LCN1: variants seen among roughly 807,000 people sequenced by gnomAD.
LCN1 encodes lipocalin-1.
In LCN1, 25 loss-of-function variants were observed where a neutral mutation model predicts 22.3. That is an observed-to-expected ratio of 1.12 (90% CI 0.82 to 1.56). The LOEUF is 1.56. Ranked by LOEUF, LCN1 falls within the 40% of genes most tolerant of loss-of-function variation. LCN1 has a pLI of 0.00. For synonymous variants in LCN1, 85 were observed against 97.6 expected (o/e 0.87, Z 0.76); for missense variants, 219 against 235.6 (o/e 0.93, Z 0.46).
chr9:135,525,940 C>T (rs1440916486), intron 6 of LCN1, among the ~76,000 whole-genome samples: 4 of 145,940 alleles, frequency 2.7e-5, no homozygotes, highest in East Asian at 2.1e-4. Context: ...CACGTGCCCC[C>T]GCAACCATCG....
intron 5 of LCN1, 23 bp downstream of exon 5, chr9:135,524,954 G>T (rs1209080152): frequency 6.3e-7 from 1 of 1,596,314 alleles, no homozygotes; most frequent in Non-Finnish European, 8.6e-7. Context: ...GCCCTGCAGA[G>T]CCCCCCATGT....
rs1234219150 is a variant in LCN1 at position 135,524,938 on chromosome 9, G to A, written c.505+7G>A. On this transcript the variant is annotated splice_region_variant and intron_variant, in intron 5 of 6. Transcript: ENST00000371781. ...CTCATCCCCAGGCAGAGCGGTAGGA[G>A]GCATGGCCCTGCAGAGCCCCCCATG... The A allele has an allele frequency of 4.4e-6, 7 of 1,604,006 alleles. No individual in the cohort carries two copies. The highest frequency in any genetic ancestry group is 4.3e-6 in the Non-Finnish European group (5 of 1,175,408).
At chr9:135,522,510 CA>C (rs1405084008) in intron 2 of LCN1, among the ~76,000 whole-genome samples, 1 of 152,242 alleles carries the variant, frequency 6.6e-6, no homozygotes, top group Non-Finnish European at 1.5e-5. Flanking sequence ...CCAGTCCTGG[CA>C]GTAAATTTCT....
chr9:135,523,998 C>T lies in LCN1; in HGVS notation c.403+8C>T. 1.9e-6 allele frequency: 3 copies of T among 1,602,774 alleles called. No homozygotes were observed. Among genetic ancestry groups the T allele is most frequent in the African/African-American group, 1.3e-5 (1 of 74,800 alleles). ...GAGGGGTGAAGCTCGTGGGTGGGTC[C>T]CGCACCCTCACCCTGCAACCCATGC... On this transcript the variant is annotated splice_region_variant and intron_variant, in intron 4 of 6. Transcript: ENST00000371781.
chr9:135,524,690 G>A (rs1386697331), intron 4 of LCN1, 140 bp from the exon 5 acceptor site: 3 of 658,040 alleles, frequency 4.6e-6, no homozygotes, highest in East Asian at 5.6e-5. Flanking sequence ...CACTTTGCCA[G>A]CCTGAGGGCC....
chr9:135,523,786 C>T (rs551600135), intron 3 of LCN1, 94 bp from the exon 4 acceptor site: 36 of 1,024,258 alleles, frequency 3.5e-5, no homozygotes, highest in Middle Eastern at 2.4e-4. Flanking sequence ...GCAGGAGCTG[C>T]GGGGCTTGCT....
At position 135,526,444 on chromosome 9, in the gene LCN1, G is replaced by A. The variant is rs913846203; in HGVS notation, c.*102G>A. 5.4e-6 allele frequency: 7 copies of A among 1,285,214 alleles called. No homozygotes were observed. The highest frequency in any genetic ancestry group is 1.2e-5 in the South Asian group (1 of 80,718). The allele number at this position is 1,285,214 out of a possible 1,614,324, so 79.6% of individuals were successfully genotyped here. On this transcript the variant is annotated 3_prime_UTR_variant, in exon 7 of 7. Transcript: ENST00000371781. Reference sequence around the variant, plus strand: ...AAAAAGCTCCCCACCCCTGCAGAACGCGGCTGGCTGCACCCCTTCCTACCA... The same window carrying A: ...AAAAAGCTCCCCACCCCTGCAGAACACGGCTGGCTGCACCCCTTCCTACCA...
Position 135,523,810 on chromosome 9 carries a change from C to G in LCN1, c.293-70C>G, listed in dbSNP as rs1309634829. 7 of 1,327,716 alleles carry G rather than the reference C, an allele frequency of 5.3e-6. No individual in the cohort carries two copies. In the East Asian group the frequency reaches 1.6e-4, roughly 31 times the overall value. 82.2% of individuals were successfully genotyped at this position (1,327,716 alleles called of 1,614,324 possible). A position where few individuals can be genotyped will look rare whatever the true frequency, so the allele number is the denominator to read the frequency against. On this transcript the variant is annotated intron_variant, in intron 3 of 6. Transcript: ENST00000371781. ...GCGGGGCTTGCTGGGCCTGGCAACG[C>G]ACGCTGTCCCGGGATCCTCTCTGAA... is the stretch of plus-strand genomic sequence containing the variant.
intron 6 of LCN1, among the ~76,000 whole-genome samples, chr9:135,525,810 C>G (rs1831627558): frequency 6.7e-6 from 1 of 149,212 alleles, no homozygotes; most frequent in Admixed American, 6.6e-5. Flanking sequence ...CCACCTGCAG[C>G]CCCCAAGAGT....
intron 2 of LCN1, 21 bp downstream of exon 2, chr9:135,522,198 C>A: frequency 6.2e-6 from 10 of 1,603,336 alleles, no homozygotes; most frequent in Non-Finnish European, 8.5e-6. Context: ...GCCAGCCGGC[C>A]GGGCAGCCTG....
intron 2 of LCN1, 27 bp from the exon 3 acceptor site, chr9:135,523,205 C>G (rs1318138759): frequency 6.2e-7 from 1 of 1,607,802 alleles, no homozygotes; most frequent in Admixed American, 1.7e-5. Context: ...GCCAGGGCCG[C>G]TTTGCCAGGG....
rs1420173586 is a variant in LCN1, at chr9:135,523,439, CTT to C, written c.292+138_292+139del. On this transcript the variant is annotated intron_variant, in intron 3 of 6. Transcript: ENST00000371781. ...TCTGACTCCACTAAAAGCCCACTCT[CTT>C]CTCCCACTGGTCAATTTGCATTAGA... The C allele has an allele frequency of 3.4e-4, 238 of 704,792 alleles. 2 individuals carry two copies. In the East Asian group the frequency reaches 6.5e-3, roughly 19 times the overall value. 43.7% of individuals were successfully genotyped at this position (704,792 alleles called of 1,614,324 possible).
Position 135,521,598 on chromosome 9 carries a change from G to C in LCN1, c.90+11G>C. On this transcript the variant is annotated intron_variant, in intron 1 of 6. Transcript: ENST00000371781. The stretch of plus-strand genomic sequence containing the variant: ...GAGGAGATTCAGGATGTGAGGCCCG[G>C]ATGGGAAGGCTGGGCTGGAGGGGGC... 1.9e-6 allele frequency: 3 copies of C among 1,605,002 alleles called. No homozygotes were observed. Among genetic ancestry groups the C allele is most frequent in the South Asian group, 1.1e-5 (1 of 89,892 alleles).
In LCN1 at chr9:135,526,456, A is replaced by G. The variant is rs1831654967; in HGVS notation, c.*114A>G. On this transcript the variant is annotated 3_prime_UTR_variant, in exon 7 of 7. Transcript: ENST00000371781. Reference sequence around the variant, plus strand: ...ACCCCTGCAGAACGCGGCTGGCTGCACCCCTTCCTACCACCCCCCGCCTTC... The same window carrying G: ...ACCCCTGCAGAACGCGGCTGGCTGCGCCCCTTCCTACCACCCCCCGCCTTC... The G allele has an allele frequency of 1.0e-5, 13 of 1,282,780 alleles. No homozygotes were observed. Among genetic ancestry groups the G allele is most frequent in the Non-Finnish European group, 1.3e-5 (13 of 984,758 alleles). 79.5% of individuals were successfully genotyped at this position (1,282,780 alleles called of 1,614,324 possible).
At chr9:135,523,838 C>A (rs879906475) in intron 3 of LCN1, 42 bp from the exon 4 acceptor site, 1 of 1,545,202 alleles carries the variant, frequency 6.5e-7, no homozygotes, top group South Asian at 1.1e-5. Flanking sequence ...TCTCTGAAGT[C>A]CCTGGTGGCT....
At chr9:135,525,358 T>A (rs528679273) in intron 6 of LCN1, among the ~76,000 whole-genome samples, 200 bp downstream of exon 6, 1 of 152,210 alleles carries the variant, frequency 6.6e-6, no homozygotes, top group South Asian at 2.1e-4. Context: ...TGGGTGTGAC[T>A]CCTGGGCAGC....
At position 135,523,925 on chromosome 9, in the gene LCN1, A is replaced by G. The variant is rs774466869; in HGVS notation, c.338A>G (p.Asp113Gly). 5 of 1,614,074 alleles carry G rather than the reference A, an allele frequency of 3.1e-6. No individual in the cohort carries two copies. The South Asian group carries it at 5.5e-5, about 18-fold the overall frequency. The change falls in exon 4 of 7, where the codon GAC (aspartate) becomes GGC (glycine). Residue 113 changes from aspartate (D) to glycine (G), a missense_variant. Transcript: ENST00000371781. ...TACATCATCAGGTCGCACGTGAAGG[A>G]CCACTACATCTTTTACTGTGAGGGC... ...VAYIIRSHVK[D>G]HYIFYCEGEL...
Position 135,526,351 on chromosome 9 carries a change from G to T in LCN1, c.*9G>T. On this transcript the variant is annotated 3_prime_UTR_variant, in exon 7 of 7. Coordinates refer to ENST00000371781, the MANE Select transcript of LCN1 (RefSeq NM_002297.4). Reference sequence around the variant, plus strand: ...CCCTCCCCCCCTTTCCAGGGCAGGGGACACCTTGGCTCCTCAGCAGCCCAA... The same window carrying T: ...CCCTCCCCCCCTTTCCAGGGCAGGGTACACCTTGGCTCCTCAGCAGCCCAA... 1.6e-6 allele frequency: 2 copies of T among 1,260,804 alleles called. No individual in the cohort carries two copies. Among genetic ancestry groups the T allele is most frequent in the Non-Finnish European group, 2.1e-6 (2 of 975,364 alleles). The allele number at this position is 1,260,804 out of a possible 1,614,324, so 78.1% of individuals were successfully genotyped here. A position where few individuals can be genotyped will look rare whatever the true frequency, so the allele number is the denominator to read the frequency against.
chr9:135,521,451 G>C lies in LCN1; in HGVS notation c.-47G>C, dbSNP rs1244874801. 2 of 1,542,024 alleles carry C rather than the reference G, an allele frequency of 1.3e-6. No individual in the cohort carries two copies. The highest frequency in any genetic ancestry group is 4.5e-5 in the East Asian group (2 of 44,432). Reference sequence around the variant, plus strand: ...GGGAGGACTGGTACAGCCTCTCCCAGCCCCAGCAAGCGACCTGTCAGGCGG... The same window carrying C: ...GGGAGGACTGGTACAGCCTCTCCCACCCCCAGCAAGCGACCTGTCAGGCGG... On this transcript the variant is annotated 5_prime_UTR_variant, in exon 1 of 7. Transcript: ENST00000371781.
Sources: allele counts gnomAD v4.1 joint callset (sites outside exome capture counted in the v4.1 genomes callset), GRCh38; gene constraint gnomAD v4.1.1; transcripts MANE v1.5; gene names NCBI Gene and HGNC (gene_info 2026-07-23, HGNC 2026-07-21).